The following GMDS variants were observed in gnomAD, a reference collection of about 807,000 sequenced individuals.
GMDS encodes GDP-mannose 4,6-dehydratase.
Under a neutral mutation model 49.9 loss-of-function variants are expected in GMDS, and 20 were observed. That is an observed-to-expected ratio of 0.40 (90% CI 0.28 to 0.58). The LOEUF is 0.58. GMDS is among the 20% of genes least tolerant of loss of function. The pLI, the probability that GMDS is intolerant of heterozygous loss-of-function variation, is 0.42. For missense variants in GMDS, 362 were observed against 481.4 expected (o/e 0.75, Z 2.32); for synonymous variants, 177 against 178.6 (o/e 0.99, Z 0.07).
At chr6:1,815,124 A>G (rs1295941182) in intron 7 of GMDS, among the ~76,000 whole-genome samples, 1 of 152,184 alleles carries the variant, frequency 6.6e-6, no homozygotes, top group African/African-American at 2.4e-5. Context: ...TTTCACATAG[A>G]AAGCTGGGGC....
At chr6:2,224,913 A>C (rs1434117777) in intron 1 of GMDS, among the ~76,000 whole-genome samples, 1 of 152,196 alleles carries the variant, frequency 6.6e-6, no homozygotes, top group African/African-American at 2.4e-5. Context: ...AAAAGAGAAA[A>C]CTGAGGCACA....
intron 4 of GMDS, among the ~76,000 whole-genome samples, chr6:1,986,996 C>A (rs1765589425): frequency 6.6e-6 from 1 of 151,936 alleles, no homozygotes; most frequent in Admixed American, 6.6e-5. Flanking sequence ...CACAATAAAC[C>A]AGTAGTTGAG....
chr6:1,687,927 C>T (rs1190028662), intron 9 of GMDS, among the ~76,000 whole-genome samples: 1 of 152,072 alleles, frequency 6.6e-6, no homozygotes, highest in Non-Finnish European at 1.5e-5. Context: ...CCTGGAATTC[C>T]ACTGAGAGAG....
At chr6:2,187,516 T>C (rs910343819) in intron 1 of GMDS, among the ~76,000 whole-genome samples, 2 of 152,014 alleles carry the variant, frequency 1.3e-5, no homozygotes, top group Admixed American at 1.3e-4. Context: ...TTAGAAAAAA[T>C]TTACATTGAG....
At chr6:2,200,736 C>T (rs1779481732) in intron 1 of GMDS, among the ~76,000 whole-genome samples, 3 of 148,306 alleles carry the variant, frequency 2.0e-5, no homozygotes, top group Non-Finnish European at 4.5e-5. Context: ...ACCACATGGA[C>T]ATCCGAGATG....
chr6:2,151,452 A>C (rs1776839793), intron 1 of GMDS, among the ~76,000 whole-genome samples: 1 of 152,154 alleles, frequency 6.6e-6, no homozygotes, highest in Admixed American at 6.5e-5. Context: ...TTTACAATAC[A>C]TGAGCAATAT....
chr6:1,726,615 T>C, intron 8 of GMDS, 103 bp from the exon 9 acceptor site: 1 of 788,942 alleles, frequency 1.3e-6, no homozygotes, highest in Non-Finnish European at 2.2e-6. Context: ...CAGGAGCGCT[T>C]AAGCTCATTA....
intron 4 of GMDS, among the ~76,000 whole-genome samples, chr6:2,000,538 T>G (rs1195383661): frequency 6.6e-6 from 1 of 152,228 alleles, no homozygotes; most frequent in African/African-American, 2.4e-5. Context: ...TGTGGTCTTT[T>G]GTAAGCTACC....
chr6:2,144,014 C>T (rs1433701711), intron 1 of GMDS, among the ~76,000 whole-genome samples: 3 of 152,086 alleles, frequency 2.0e-5, no homozygotes, highest in African/African-American at 7.2e-5. Context: ...CAGTTGTGTC[C>T]ATTGACATAT....
chr6:1,821,615 T>TG (rs1770902071), intron 7 of GMDS, among the ~76,000 whole-genome samples: 1 of 35,112 alleles, frequency 2.8e-5, no homozygotes, highest in South Asian at 1.0e-3. Context: ...TTATTTGTTT[T>TG]TTTTTTTTTT....
intron 7 of GMDS, among the ~76,000 whole-genome samples, chr6:1,926,099 T>C (rs1761992768): frequency 6.6e-6 from 1 of 152,082 alleles, no homozygotes; most frequent in South Asian, 2.1e-4. Context: ...TCTCTTCTGG[T>C]TCCCCCATCT....
chr6:2,202,256 G>T (rs1234832004), intron 1 of GMDS, among the ~76,000 whole-genome samples: 2 of 149,122 alleles, frequency 1.3e-5, no homozygotes, highest in Non-Finnish European at 3.0e-5. Context: ...AGCACCACAT[G>T]GACATCCGAG....
At chr6:2,065,181 C>T (rs545143920) in intron 4 of GMDS, among the ~76,000 whole-genome samples, 2 of 152,070 alleles carry the variant, frequency 1.3e-5, no homozygotes, top group African/African-American at 2.4e-5. Context: ...CTCACACAGC[C>T]TGGTACTCCA....
chr6:2,151,985 G>A (rs1776867797), intron 1 of GMDS, among the ~76,000 whole-genome samples: 1 of 152,076 alleles, frequency 6.6e-6, no homozygotes, highest in South Asian at 2.1e-4. Flanking sequence ...TTGCTAATCT[G>A]TACCAGGTTT....
At chr6:1,699,440 T>A (rs1765463357) in intron 9 of GMDS, among the ~76,000 whole-genome samples, 1 of 152,066 alleles carries the variant, frequency 6.6e-6, no homozygotes, top group Non-Finnish European at 1.5e-5. Flanking sequence ...GCCTAACACA[T>A]TAACGCAGGT....
intron 1 of GMDS, among the ~76,000 whole-genome samples, chr6:2,165,005 T>C (rs899910312): frequency 3.3e-5 from 5 of 152,332 alleles, no homozygotes; most frequent in Admixed American, 3.3e-4. Context: ...AATGGTGATA[T>C]CTTGTATATC....
At chr6:2,039,925 T>G (rs565292896) in intron 4 of GMDS, among the ~76,000 whole-genome samples, 1 of 152,216 alleles carries the variant, frequency 6.6e-6, no homozygotes, top group African/African-American at 2.4e-5. Flanking sequence ...CTGTATGCGC[T>G]AGACTTCTAT....
chr6:2,010,321 C>T (rs1388278835), intron 4 of GMDS, among the ~76,000 whole-genome samples: 5 of 123,328 alleles, frequency 4.1e-5, no homozygotes, highest in African/African-American at 6.0e-5. Context: ...AGCAAGACTC[C>T]ATCTCAAAAA....
At chr6:1,794,802 C>G (rs1010405684) in intron 7 of GMDS, among the ~76,000 whole-genome samples, 2 of 152,124 alleles carry the variant, frequency 1.3e-5, no homozygotes, top group African/African-American at 4.8e-5. Flanking sequence ...GAAAAGGAGA[C>G]AGATGGTCCA....
Sources: gnomAD v4.1 joint callset for allele counts (sites outside exome capture counted in the v4.1 genomes callset) on GRCh38, gnomAD v4.1.1 for gene constraint, MANE v1.5 for transcripts, NCBI Gene and HGNC (gene_info 2026-07-23, HGNC 2026-07-21) for gene names.